PDCD11: variants seen among roughly 807,000 people sequenced by gnomAD.
The protein encoded by PDCD11 is protein RRP5 homolog.
PDCD11 carries 97 observed loss-of-function variants against 198.9 expected under a neutral mutation model. The ratio of observed to expected loss-of-function variants is 0.49; its 90% CI spans 0.41 to 0.58. The LOEUF (loss-of-function observed/expected upper bound fraction) is 0.58, where lower values mean the gene tolerates loss of function less well. PDCD11 is among the 20% of genes least tolerant of loss of function. PDCD11 has a pLI of 0.00. For synonymous variants in PDCD11, 893 were observed against 918.0 expected (o/e 0.97, Z 0.49); for missense variants, 2,102 against 2,312.7 (o/e 0.91, Z 1.87).
In PDCD11 at chr10:103,415,159, T is replaced by C; in HGVS notation, c.1518+8T>C. 6.2e-7 allele frequency: 1 copy of C among 1,613,384 alleles called. No individual in the cohort carries two copies. The highest frequency in any genetic ancestry group is 2.2e-5 in the East Asian group (1 of 44,880). On this transcript the variant is annotated splice_region_variant and intron_variant, in intron 12 of 35. Coordinates refer to ENST00000369797, the MANE Select transcript of PDCD11 (RefSeq NM_014976.2). ...GATGAGGTCAAGTGCCGGGTGAGCC[T>C]CCTGAAGGGTCTCTTGGGGTTTTGG...
At chr10:103,405,384 G>T in intron 5 of PDCD11, 2 of 439,476 alleles carry the variant, frequency 4.6e-6, no homozygotes, top group Non-Finnish European at 4.1e-6. Context: ...TTGGAGAAGA[G>T]AAAAGAGAAA....
At chr10:103,443,769 C>A in intron 33 of PDCD11, 146 bp from the exon 34 acceptor site, 1 of 793,614 alleles carries the variant, frequency 1.3e-6, no homozygotes, top group Non-Finnish European at 2.1e-6. Context: ...CTCCCTCCCG[C>A]TCCTCTCAGG....
chr10:103,440,816 A>G lies in PDCD11; in HGVS notation c.4523A>G (p.Lys1508Arg), dbSNP rs749683033. ...GTGGACGTGTACTATCGGGAGGGAA[A>G]AGAGGAGGCAGAAGAGACGAATGTG... ...SLVDVYYREGKEEAEETNVLP... is the reference protein window; with the variant it reads ...SLVDVYYREGREEAEETNVLP... Residue 1508 changes from lysine to arginine, a missense_variant, in exon 30 of 36, where the codon AAA becomes AGA. Lys to Arg is a conservative substitution (Grantham distance 26). Transcript: ENST00000369797. 1.2e-5 allele frequency: 20 copies of G among 1,613,690 alleles called. No homozygotes were observed. The Admixed American group carries it at 3.3e-4, about 27-fold the overall frequency.
intron 8 of PDCD11, among the ~76,000 whole-genome samples, chr10:103,410,501 T>C (rs2030732056): frequency 6.6e-6 from 1 of 152,004 alleles, no homozygotes; most frequent in Non-Finnish European, 1.5e-5. Flanking sequence ...TAGATCCAAC[T>C]TTGAAAAAAA....
chr10:103,440,768 T>A lies in PDCD11; in HGVS notation c.4475T>A (p.Leu1492Gln). Residue 1492 changes from leucine (L) to glutamine (Q), a missense_variant, in exon 30 of 36, where the codon CTG (leucine) becomes CAG (glutamine). Coordinates refer to ENST00000369797, the MANE Select transcript of PDCD11 (RefSeq NM_014976.2). ...RVSKKPKKAG[L>Q]SEEDDSLVDV... The stretch of plus-strand genomic sequence containing the variant: ...AGCAAGAAGCCAAAGAAAGCCGGCC[T>A]GTCAGAGGAGGACGACAGCCTTGTG... 1 of 1,614,122 alleles carries A rather than the reference T, an allele frequency of 6.2e-7. No individual in the cohort carries two copies. The highest frequency in any genetic ancestry group is 8.5e-7 in the Non-Finnish European group (1 of 1,180,008).
In PDCD11 at chr10:103,438,795, G is replaced by A. The variant is rs1174997699; in HGVS notation, c.4012G>A (p.Gly1338Ser). The A allele has an allele frequency of 3.7e-6, 6 of 1,613,910 alleles. No individual in the cohort carries two copies. The highest frequency in any genetic ancestry group is 2.2e-5 in the East Asian group (1 of 44,894). The change falls in exon 27 of 36, where the codon GGT (glycine) becomes AGT (serine). Residue 1338 changes from glycine to serine, a missense_variant. By Grantham distance (56) the Gly-to-Ser change is moderately conservative. Coordinates refer to ENST00000369797, the MANE Select transcript of PDCD11 (RefSeq NM_014976.2). ...CTATGTAGGGTCCATCCAGCCACAC[G>A]GTGTGTTCTTTCGGTGAGTGAGGGG... ...RGYVGSIQPHGVFFRLGPSVV... is the reference protein window; with the variant it reads ...RGYVGSIQPHSVFFRLGPSVV...
rs1042006221 is a variant in PDCD11 at position 103,437,935 on chromosome 10, TGGA to T, written c.3846-75_3846-73del. On this transcript the variant is annotated intron_variant, in intron 25 of 35. Coordinates refer to ENST00000369797, the MANE Select transcript of PDCD11 (RefSeq NM_014976.2). ...CCTCACTCCTGCCTATTCGTCAGCC[TGGA>T]GGAGAGGAAGCTGAGACCCTTTGCT... is the stretch of plus-strand genomic sequence containing the variant. 1.0e-4 allele frequency: 117 copies of T among 1,123,734 alleles called. No individual in the cohort carries two copies. In the African/African-American group the frequency reaches 1.7e-3, roughly 16 times the overall value. 69.6% of individuals were successfully genotyped at this position (1,123,734 alleles called of 1,614,324 possible).
At chr10:103,424,854 A>T (rs528226107) in intron 19 of PDCD11, 130 bp from the exon 20 acceptor site, 3 of 965,116 alleles carry the variant, frequency 3.1e-6, no homozygotes, top group Non-Finnish European at 4.6e-6. Context: ...GTTCCAGCTC[A>T]GACCAGCCTT....
rs2031557908 is a variant in PDCD11 at position 103,423,663 on chromosome 10, G to C, written c.2763+5G>C. ...GTGAATAGAAAAGCTAGAAAGGTAA[G>C]CTTGCTCCTGACTTCCATTTCCATG... On this transcript the variant is annotated splice_donor_5th_base_variant and intron_variant, in intron 19 of 35. Coordinates refer to ENST00000369797, the MANE Select transcript of PDCD11 (RefSeq NM_014976.2). 2 of 1,571,590 alleles carry C rather than the reference G, an allele frequency of 1.3e-6. No individual in the cohort carries two copies. Among genetic ancestry groups the C allele is most frequent in the Non-Finnish European group, 1.8e-6 (2 of 1,141,184 alleles).
chr10:103,400,227 T>C (rs55788815), intron 2 of PDCD11, among the ~76,000 whole-genome samples, 170 bp from the exon 3 acceptor site: 33,160 of 88,732 alleles, frequency 0.37, 4,364 homozygotes, highest in South Asian at 0.58. Context: ...GCCCCCCCCC[T>C]TTTTTTTTTT....
chr10:103,439,983 T>G lies in PDCD11; in HGVS notation c.4148+115T>G, dbSNP rs924226783. ...AAACATAATGGCTTGCGTAGTGGTG[T>G]TCAGATGAATAAAAGGCCTTTGTTT... On this transcript the variant is annotated intron_variant, in intron 28 of 35. Coordinates refer to ENST00000369797, the MANE Select transcript of PDCD11 (RefSeq NM_014976.2). 8 of 1,278,418 alleles carry G rather than the reference T, an allele frequency of 6.3e-6. No individual in the cohort carries two copies. The African/African-American group carries it at 1.2e-4, about 19-fold the overall frequency. 79.2% of individuals were successfully genotyped at this position (1,278,418 alleles called of 1,614,324 possible).
chr10:103,443,029 AGGGTCTACATTT>A, intron 32 of PDCD11, 124 bp from the exon 33 acceptor site: 1 of 659,990 alleles, frequency 1.5e-6, no homozygotes, highest in Non-Finnish European at 2.5e-6. Flanking sequence ...ACAGCCTCTT[AGGGTCTACATTT>A]GGGGTGGGAT....
intron 17 of PDCD11, among the ~76,000 whole-genome samples, chr10:103,421,839 C>T (rs1034516131): frequency 8.6e-5 from 13 of 150,506 alleles, no homozygotes; most frequent in African/African-American, 2.2e-4. Context: ...CGGTGGCGGG[C>T]GCCTGTAGTC....
chr10:103,434,986 T>C lies in PDCD11; in HGVS notation c.3845+11T>C, dbSNP rs1351438336. The stretch of plus-strand genomic sequence containing the variant: ...CCAGAAGGTTGTCAGGTAAGCGAAG[T>C]GTTCTTCCTCTTTTCACCTGTCTGT... On this transcript the variant is annotated intron_variant, in intron 25 of 35. Coordinates refer to ENST00000369797, the MANE Select transcript of PDCD11 (RefSeq NM_014976.2). 2.0e-6 allele frequency: 3 copies of C among 1,510,308 alleles called. No homozygotes were observed. The highest frequency in any genetic ancestry group is 2.7e-6 in the Non-Finnish European group (3 of 1,123,054). The allele number at this position is 1,510,308 out of a possible 1,614,324, so 93.6% of individuals were successfully genotyped here. A position where few individuals can be genotyped will look rare whatever the true frequency, so the allele number is the denominator to read the frequency against.
Position 103,444,652 on chromosome 10 carries a change from C to T in PDCD11, c.5414C>T (p.Thr1805Ile). 2 of 1,614,070 alleles carry T rather than the reference C, an allele frequency of 1.2e-6. No homozygotes were observed. The highest frequency in any genetic ancestry group is 1.1e-5 in the South Asian group (1 of 91,074). Residue 1805 changes from threonine to isoleucine, a missense_variant, in exon 35 of 36, where the codon ACC becomes ATC. Transcript: ENST00000369797. ...TDVWSVYIDM[T>I]IKHGSQKDVR... ...GTCTGGTCGGTCTATATCGACATGA[C>T]CATCAAGCACGGCAGCCAGAAGGAC...
chr10:103,427,909 A>C (rs2031766892), intron 21 of PDCD11, among the ~76,000 whole-genome samples: 1 of 152,174 alleles, frequency 6.6e-6, no homozygotes. Context: ...GAATGAAGCT[A>C]GGTGTGTATG....
intron 25 of PDCD11, among the ~76,000 whole-genome samples, chr10:103,436,881 G>A (rs1259661154): frequency 6.6e-6 from 1 of 152,178 alleles, no homozygotes; most frequent in African/African-American, 2.4e-5. Flanking sequence ...GTATATTATG[G>A]TTTTGGACTA....
chr10:103,425,531 G>T lies in PDCD11; in HGVS notation c.3305+6G>T. ...CGAGACATGAAGACATTCAAGTATG[G>T]AGGCTCTGGGGGTGGGCTGGCTTCG... On this transcript the variant is annotated splice_donor_region_variant and intron_variant, in intron 20 of 35. Coordinates refer to ENST00000369797, the MANE Select transcript of PDCD11 (RefSeq NM_014976.2). 6.3e-7 allele frequency: 1 copy of T among 1,598,484 alleles called. No homozygotes were observed. Among genetic ancestry groups the T allele is most frequent in the Non-Finnish European group, 8.6e-7 (1 of 1,167,624 alleles).
intron 8 of PDCD11, among the ~76,000 whole-genome samples, chr10:103,410,456 A>G (rs2030728829): frequency 6.6e-6 from 1 of 152,146 alleles, no homozygotes; most frequent in African/African-American, 2.4e-5. Context: ...AGATACGTTT[A>G]AACAGCAAAA....
Sources: allele counts gnomAD v4.1 joint callset (sites outside exome capture counted in the v4.1 genomes callset), GRCh38; gene constraint gnomAD v4.1.1; transcripts MANE v1.5; gene names NCBI Gene and HGNC (gene_info 2026-07-23, HGNC 2026-07-21).